PLCH1: variants seen among roughly 807,000 people sequenced by gnomAD.
The protein encoded by PLCH1 is phospholipase C eta 1.
A neutral mutation model predicts 126.7 loss-of-function variants in PLCH1; 60 were observed. The observed-to-expected ratio is 0.47, with a 90% CI of 0.38 to 0.59. PLCH1 has a LOEUF of 0.59. Among genes scored for constraint, PLCH1 ranks in the 20% least tolerant of loss-of-function variants. The pLI is 0.00. For missense variants in PLCH1, 1,723 were observed against 2,040.0 expected (o/e 0.84, Z 2.99); for synonymous variants, 719 against 734.9 (o/e 0.98, Z 0.35).
chr3:155,663,070 C>A (rs1355390614), intron 2 of PLCH1, among the ~76,000 whole-genome samples: 1 of 152,172 alleles, frequency 6.6e-6, no homozygotes, highest in African/African-American at 2.4e-5. Flanking sequence ...AATAAACAAT[C>A]ATGGTGTGCC....
At chr3:155,488,638 G>C (rs1560057547) in intron 20 of PLCH1, 22 bp downstream of exon 20, 1 of 1,595,104 alleles carries the variant, frequency 6.3e-7, no homozygotes, top group East Asian at 2.2e-5. Flanking sequence ...AGTCTAGAGA[G>C]AAAAGGCCAG....
intron 7 of PLCH1, among the ~76,000 whole-genome samples, chr3:155,567,045 T>C (rs1019151344): frequency 6.6e-6 from 1 of 152,094 alleles, no homozygotes; most frequent in African/African-American, 2.4e-5. Flanking sequence ...TTTAAAACAG[T>C]TTTTAATGAT....
At chr3:155,549,159 CT>C (rs1405327862) in intron 10 of PLCH1, among the ~76,000 whole-genome samples, 2 of 152,178 alleles carry the variant, frequency 1.3e-5, no homozygotes, top group Non-Finnish European at 2.9e-5. Flanking sequence ...AAAGAACTGT[CT>C]TTCTGGCTAT....
intron 6 of PLCH1, among the ~76,000 whole-genome samples, chr3:155,568,702 A>G (rs1728825678): frequency 3.3e-5 from 5 of 151,976 alleles, no homozygotes; most frequent in African/African-American, 1.2e-4. Flanking sequence ...AAATATATGT[A>G]GAAAAAGAAT....
intron 10 of PLCH1, among the ~76,000 whole-genome samples, chr3:155,526,464 TTCTC>T (rs1254244732): frequency 7.5e-4 from 89 of 118,302 alleles, no homozygotes; most frequent in African/African-American, 2.5e-3. Context: ...TCTTCTCTCT[TTCTC>T]TCTTCTTTCT....
chr3:155,607,424 C>A (rs1045381521), intron 2 of PLCH1, among the ~76,000 whole-genome samples: 22 of 151,844 alleles, frequency 1.4e-4, no homozygotes, highest in African/African-American at 4.6e-4. Context: ...TTATAGTAAT[C>A]TTTGGTAAAT....
chr3:155,665,719 T>C (rs1045178918), intron 2 of PLCH1, among the ~76,000 whole-genome samples: 6 of 152,236 alleles, frequency 3.9e-5, no homozygotes, highest in Non-Finnish European at 7.3e-5. Flanking sequence ...TTTCTTTATG[T>C]ACCCTGATTT....
intron 1 of PLCH1, chr3:155,743,419 A>C (rs1559978364): frequency 2.6e-6 from 1 of 387,464 alleles, no homozygotes. Flanking sequence ...GTAATCCCAG[A>C]TACTCGGGAG....
chr3:155,476,873 C>T (rs9870325), downstream of PLCH1, among the ~76,000 whole-genome samples: 40,851 of 151,860 alleles, frequency 0.27, 5,930 homozygotes, highest in East Asian at 0.41. Flanking sequence ...ATACCAATGA[C>T]ATTCTTCACA....
chr3:155,456,785 G>A (rs1327032518), intron 21 of PLCH1: 2 of 152,730 alleles, frequency 1.3e-5, no homozygotes, highest in African/African-American at 4.8e-5. Flanking sequence ...CTCCTTAGTA[G>A]ACCCTTTCAA....
chr3:155,594,130 T>G lies in PLCH1; in HGVS notation c.281A>C (p.His94Pro). 1 of 1,613,904 alleles carries G rather than the reference T, an allele frequency of 6.2e-7. No individual in the cohort carries two copies. The highest frequency in any genetic ancestry group is 1.7e-5 in the Admixed American group (1 of 60,010). ...GTCGAAGTTCCCCTCAGCTTGTCTG[T>G]GGAATATTTCAGACTGCCGGCCCTC... Reference protein sequence around the residue: ...VTEGRQSEIFHRQAEGNFDPS... With the variant: ...VTEGRQSEIFPRQAEGNFDPS... The change falls in exon 4 of 23, where the codon CAC becomes CCC. Residue 94 changes from histidine (H) to proline (P), a missense_variant. His to Pro is a moderately conservative substitution (Grantham distance 77). Coordinates refer to ENST00000460012, the MANE Select transcript of PLCH1 (RefSeq NM_014996.4).
chr3:155,621,632 C>T (rs7433135), intron 2 of PLCH1, among the ~76,000 whole-genome samples: 3 of 151,874 alleles, frequency 2.0e-5, no homozygotes, highest in Non-Finnish European at 4.4e-5. Context: ...TATCAATAGC[C>T]GAATCGATAA....
intron 11 of PLCH1, among the ~76,000 whole-genome samples, chr3:155,520,901 A>C (rs185857712): frequency 2.0e-5 from 3 of 152,222 alleles, no homozygotes; most frequent in African/African-American, 4.8e-5. Context: ...AAAACTTAAC[A>C]GTATGGCTTA....
At chr3:155,656,166 A>AC (rs11379639) in intron 2 of PLCH1, among the ~76,000 whole-genome samples, 31,117 of 147,822 alleles carry the variant, frequency 0.21, 3,466 homozygotes, top group East Asian at 0.42. Flanking sequence ...AGAGAAAATT[A>AC]CCCCCCCCCA....
At chr3:155,676,234 G>A (rs1744074633) in intron 2 of PLCH1, 2 of 1,241,342 alleles carry the variant, frequency 1.6e-6, no homozygotes, top group Non-Finnish European at 2.0e-6. Flanking sequence ...TTATAGTGTG[G>A]AGAAAATAAA....
At chr3:155,473,948 C>T (rs1339588412) in intron 21 of PLCH1, among the ~76,000 whole-genome samples, 7 of 151,440 alleles carry the variant, frequency 4.6e-5, no homozygotes, top group African/African-American at 2.4e-5. Flanking sequence ...AAGACTTAAA[C>T]GTTAGACCTA....
chr3:155,740,212 A>C (rs1478445722), intron 1 of PLCH1, among the ~76,000 whole-genome samples: 1 of 152,160 alleles, frequency 6.6e-6, no homozygotes, highest in African/African-American at 2.4e-5. Context: ...GGAGTTCGAG[A>C]CCAGTCTGGC....
In PLCH1 at chr3:155,481,701, G is replaced by A. The variant is rs770566469; in HGVS notation, c.4325C>T (p.Ser1442Leu). 1.9e-6 allele frequency: 3 copies of A among 1,614,176 alleles called. No homozygotes were observed. The South Asian group carries it at 3.3e-5, about 18-fold the overall frequency. The change falls in exon 23 of 23, where the codon TCA (serine) becomes TTA (leucine). Residue 1442 changes from serine to leucine, a missense_variant. By Grantham distance (145) the Ser-to-Leu change is moderately radical (BLOSUM62 -2). Around this residue, in one of 2 missense-constraint regions of PLCH1, gnomAD observed 947 missense variants for 977.1 expected, o/e 0.97. Transcript: ENST00000460012. This position sits in a 1 kb window ranked among gnomAD's most constrained non-coding sequence, Gnocchi z 4.2. Reference sequence around the variant, plus strand: ...ACAGGTCTGGAACATTTTTGCATCTGAATCTGAGAAATGATTATGCACAAA... The same window carrying A: ...ACAGGTCTGGAACATTTTTGCATCTAAATCTGAGAAATGATTATGCACAAA... Reference protein sequence around the residue: ...AGFVHNHFSDSDAKMFQTCVP... With the variant: ...AGFVHNHFSDLDAKMFQTCVP...
chr3:155,684,484 G>A (rs1032860707), intron 2 of PLCH1, among the ~76,000 whole-genome samples: 14 of 152,098 alleles, frequency 9.2e-5, no homozygotes, highest in Non-Finnish European at 2.1e-4. Context: ...AACAGGAAAC[G>A]GGTCTCCAAG....
Sources: allele counts gnomAD v4.1 joint callset (sites outside exome capture counted in the v4.1 genomes callset), GRCh38; gene constraint gnomAD v4.1.1; regional missense constraint gnomAD v4.1.1; non-coding constraint Gnocchi (gnomAD v3.1); transcripts MANE v1.5; gene names NCBI Gene and HGNC (gene_info 2026-07-23, HGNC 2026-07-21).